PLXNB3: variants seen among roughly 807,000 people sequenced by gnomAD.
PLXNB3 encodes plexin B3, also known as plexin-B3.
Under a neutral mutation model 125.7 loss-of-function variants are expected in PLXNB3, and 80 were observed. The ratio of observed to expected loss-of-function variants is 0.64; its 90% confidence interval spans 0.53 to 0.77. PLXNB3 has a LOEUF of 0.77. Among genes scored for constraint, PLXNB3 ranks in the 30% least tolerant of loss-of-function variants. PLXNB3 has a pLI of 0.00. For missense variants in PLXNB3, 1,836 were observed against 1,729.3 expected, an observed-to-expected ratio of 1.06 and a Z score of -1.09; for synonymous variants, 954 against 783.3, an observed-to-expected ratio of 1.22 and a Z score of -3.64.
chrX:153,777,634 C>T lies in PLXNB3; in HGVS notation c.5207C>T (p.Ala1736Val). Residue 1736 changes from alanine (A) to valine (V), a missense_variant, in exon 31 of 36, where the codon GCA (alanine) becomes GTA (valine). Coordinates refer to ENST00000361971, the MANE Select transcript of PLXNB3 (RefSeq NM_005393.3). The stretch of plus-strand genomic sequence containing the variant: ...CTGTTTGACCTTCTGGATGAGCTAG[C>T]AGAGAAGCACGGCATCGAGGACCCA... ...KYLFDLLDELAEKHGIEDPGT... is the reference protein window; with the variant it reads ...KYLFDLLDELVEKHGIEDPGT... The T allele has an allele frequency of 8.3e-7, 1 of 1,211,857 alleles. No homozygotes were observed. The highest frequency in any genetic ancestry group is 1.1e-6 in the Non-Finnish European group (1 of 895,400).
chrX:153,772,422 A>G (rs1557062339), intron 16 of PLXNB3, 135 bp downstream of exon 16: 33 of 519,783 alleles, frequency 6.3e-5, no homozygotes, highest in Non-Finnish European at 6.6e-5. Context: ...GAGGGAAGCC[A>G]TGGCATGTGA....
At chrX:153,765,391 G>A in intron 1 of PLXNB3, 80 bp from the exon 2 acceptor site, 1 of 774,997 alleles carries the variant, frequency 1.3e-6, no homozygotes. Context: ...CTAGGCCCTG[G>A]GCGCCACCCC....
chrX:153,768,677 G>A (rs1295963059), intron 4 of PLXNB3, among the ~76,000 whole-genome samples: 1 of 112,241 alleles, frequency 8.9e-6, no homozygotes, highest in African/African-American at 3.2e-5. Flanking sequence ...TGACCTTCCT[G>A]TCTCCCCATA....
intron 7 of PLXNB3, 75 bp downstream of exon 7, chrX:153,770,014 G>A (rs781904254): frequency 6.5e-5 from 77 of 1,187,866 alleles, no homozygotes; most frequent in South Asian, 3.3e-4. Flanking sequence ...CCTGCCTCCC[G>A]TCCTCCTTCC....
At position 153,774,403 on chromosome X, in the gene PLXNB3, C is replaced by A; in HGVS notation, c.3679-17C>A. The A allele has an allele frequency of 8.5e-7, 1 of 1,169,736 alleles. No homozygotes were observed. The highest frequency in any genetic ancestry group is 1.1e-6 in the Non-Finnish European group (1 of 873,326). On this transcript the variant is annotated splice_polypyrimidine_tract_variant and intron_variant, in intron 21 of 35. Coordinates refer to ENST00000361971, the MANE Select transcript of PLXNB3 (RefSeq NM_005393.3). ...GGTGCCGCCAGCATGCACTCAGGAA[C>A]CCTGCCCGCCCCCCAGGTGCAGATG...
rs376831931 is a variant in PLXNB3, at chrX:153,774,815, G to A, written c.3931+9G>A. On this transcript the variant is annotated intron_variant, in intron 23 of 35. Coordinates refer to ENST00000361971, the MANE Select transcript of PLXNB3 (RefSeq NM_005393.3). Reference sequence around the variant, plus strand: ...CCGCAAGGAGTTCACAGGTGGGTGCGGAGGCGGGGGGACAGGGTACCCACG... The same window carrying A: ...CCGCAAGGAGTTCACAGGTGGGTGCAGAGGCGGGGGGACAGGGTACCCACG... 196 of 1,208,509 alleles carry A rather than the reference G, an allele frequency of 1.6e-4. No individual in the cohort carries two copies. The highest frequency in any genetic ancestry group is 2.1e-4 in the Non-Finnish European group (186 of 894,312).
At position 153,767,374 on chromosome X, in the gene PLXNB3, C is replaced by T. The variant is rs1170093749; in HGVS notation, c.547C>T (p.Arg183Trp). Reference protein sequence around the residue: ...TVGLVVPLPGRDLLLVARGLA... With the variant: ...TVGLVVPLPGWDLLLVARGLA... ...GGGGCTGGTGGTGCCCTTGCCCGGCCGGGACCTCCTGCTTGTGGCCAGAGG... is the reference window on the plus strand; with the variant it reads ...GGGGCTGGTGGTGCCCTTGCCCGGCTGGGACCTCCTGCTTGTGGCCAGAGG... The change falls in exon 3 of 36, where the codon CGG becomes TGG. Residue 183 changes from arginine (R) to tryptophan (W), a missense_variant. Transcript: ENST00000361971. 7.6e-6 allele frequency: 9 copies of T among 1,189,937 alleles called. No homozygotes were observed. Among genetic ancestry groups the T allele is most frequent in the African/African-American group, 1.8e-5 (1 of 57,084 alleles).
At chrX:153,768,666 G>A (rs1276902200) in intron 4 of PLXNB3, among the ~76,000 whole-genome samples, 2 of 112,311 alleles carry the variant, frequency 1.8e-5, no homozygotes. Flanking sequence ...GTGCCTCCTG[G>A]TGACCTTCCT....
intron 28 of PLXNB3, 31 bp downstream of exon 28, chrX:153,776,490 GGGCTGGGGCGGGGCAGGGCGA>G (rs1557064325): frequency 3.7e-6 from 2 of 536,518 alleles, no homozygotes; most frequent in Non-Finnish European, 6.0e-6. Flanking sequence ...AGGCAGGGCG[GGGCTGGGGCGGGGCAGGGCGA>G]GGCAGGGCAG....
At chrX:153,777,506 G>A (rs1557064859) in intron 30 of PLXNB3, 22 bp from the exon 31 acceptor site, 4 of 1,208,917 alleles carry the variant, frequency 3.3e-6, no homozygotes, top group Non-Finnish European at 3.4e-6. Flanking sequence ...CCTCCACACA[G>A]CCCTTATCCC....
At chrX:153,776,321 G>A (rs375054364) in intron 27 of PLXNB3, 35 bp from the exon 28 acceptor site, 129 of 1,097,163 alleles carry the variant, frequency 1.2e-4, no homozygotes, top group Non-Finnish European at 1.0e-4. Flanking sequence ...GTGGAGAGCA[G>A]GCTGTAGACT....
chrX:153,766,935 A>G lies in PLXNB3; in HGVS notation c.108A>G (p.Pro36=). 8.3e-7 allele frequency: 1 copy of G among 1,208,012 alleles called. No individual in the cohort carries two copies. The highest frequency in any genetic ancestry group is 1.1e-6 in the Non-Finnish European group (1 of 894,836). ...GCCTCCTCCTGCTGCTGCTGTCCCC[A>G]CCGCCACTGCCCTTGACAGGGGCCC... The part of the protein sequence containing the change: ...GLCLLLLLLS[P]PPLPLTGAHR... The change falls in exon 3 of 36, where the codon CCA becomes CCG. Residue 36 remains proline, a synonymous_variant. Coordinates refer to ENST00000361971, the MANE Select transcript of PLXNB3 (RefSeq NM_005393.3).
chrX:153,776,833 G>A (rs1203243501), intron 28 of PLXNB3, 54 bp from the exon 29 acceptor site: 68 of 814,728 alleles, frequency 8.3e-5, no homozygotes, highest in East Asian at 5.4e-4. Flanking sequence ...GGATGTGGGC[G>A]GTGTAGGCGC....
intron 14 of PLXNB3, 64 bp downstream of exon 14, chrX:153,771,719 C>T: frequency 8.9e-7 from 1 of 1,125,690 alleles, no homozygotes; most frequent in Non-Finnish European, 1.2e-6. Flanking sequence ...ACTGTCCTGT[C>T]CTCCGTGATC....
At chrX:153,772,081 A>C (rs1456988159) in intron 15 of PLXNB3, 66 bp downstream of exon 15, 1 of 1,099,399 alleles carries the variant, frequency 9.1e-7, no homozygotes, top group African/African-American at 2.1e-5. Flanking sequence ...GAGATAAGGA[A>C]GGCCTGTGGC....
rs1415015783 is a variant in PLXNB3, at chrX:153,767,903, C to T, written c.1076C>T (p.Thr359Ile). The change falls in exon 3 of 36, where the codon ACC becomes ATC. Residue 359 changes from threonine to isoleucine, a missense_variant. Coordinates refer to ENST00000361971, the MANE Select transcript of PLXNB3 (RefSeq NM_005393.3). ...VEYGVTSRCVTLPLDSPESYP... is the reference protein window; with the variant it reads ...VEYGVTSRCVILPLDSPESYP... ...TACGGCGTCACGTCGCGCTGCGTCA[C>T]CCTGCCCCTTGTGAGTGGCATGCCC... 1 of 1,092,064 alleles carries T rather than the reference C, an allele frequency of 9.2e-7. No homozygotes were observed. Among genetic ancestry groups the T allele is most frequent in the Non-Finnish European group, 1.2e-6 (1 of 840,713 alleles). The allele number at this position is 1,092,064 out of a possible 1,213,427, so 90.0% of individuals were successfully genotyped here.
chrX:153,774,197 C>G lies in PLXNB3; in HGVS notation c.3531C>G (p.Leu1177=). The G allele has an allele frequency of 1.7e-6, 2 of 1,204,194 alleles. No homozygotes were observed. The highest frequency in any genetic ancestry group is 2.2e-6 in the Non-Finnish European group (2 of 894,859). Residue 1177 remains leucine (L), a synonymous_variant, in exon 21 of 36, where the codon CTC becomes CTG. Coordinates refer to ENST00000361971, the MANE Select transcript of PLXNB3 (RefSeq NM_005393.3). Reference sequence around the variant, plus strand: ...CATGTGTGTCCCAGGGCGAGGGCCTCAACCTGGGCATCAGCAAGGAGGAGG... The same window carrying G: ...CATGTGTGTCCCAGGGCGAGGGCCTGAACCTGGGCATCAGCAAGGAGGAGG... ...GHVLDVEGEG[L]NLGISKEEVR... is the part of the protein sequence containing the mutation.
chrX:153,774,811 G>A lies in PLXNB3; in HGVS notation c.3931+5G>A. The A allele has an allele frequency of 8.3e-7, 1 of 1,209,600 alleles. No individual in the cohort carries two copies. Among genetic ancestry groups the A allele is most frequent in the Non-Finnish European group, 1.1e-6 (1 of 894,561 alleles). On this transcript the variant is annotated splice_donor_5th_base_variant and intron_variant, in intron 23 of 35. Coordinates refer to ENST00000361971, the MANE Select transcript of PLXNB3 (RefSeq NM_005393.3). ...AGTGCCGCAAGGAGTTCACAGGTGG[G>A]TGCGGAGGCGGGGGGACAGGGTACC...
rs782364947 is a variant in PLXNB3 at position 153,774,825 on chromosome X, G to T, written c.3931+19G>T. On this transcript the variant is annotated intron_variant, in intron 23 of 35. Transcript: ENST00000361971. ...TTCACAGGTGGGTGCGGAGGCGGGGGGACAGGGTACCCACGAGGCCTGAAC... is the reference window on the plus strand; with the variant it reads ...TTCACAGGTGGGTGCGGAGGCGGGGTGACAGGGTACCCACGAGGCCTGAAC... 1 of 1,208,805 alleles carries T rather than the reference G, an allele frequency of 8.3e-7. No individual in the cohort carries two copies. Among genetic ancestry groups the T allele is most frequent in the Non-Finnish European group, 1.1e-6 (1 of 894,452 alleles).
Sources: allele counts gnomAD v4.1 joint callset (sites outside exome capture counted in the v4.1 genomes callset), GRCh38; gene constraint gnomAD v4.1.1; transcripts MANE v1.5; gene names NCBI Gene and HGNC (gene_info 2026-07-23, HGNC 2026-07-21).